The following STK32B variants were observed in gnomAD, a reference collection of about 807,000 sequenced individuals.
STK32B encodes the protein serine/threonine kinase 32B, also known as serine/threonine-protein kinase 32B.
STK32B carries 43 observed loss-of-function variants against 52.6 expected under a neutral mutation model. The observed-to-expected ratio is 0.82, with a 90% CI of 0.64 to 1.05. The LOEUF is 1.05. Ranked by LOEUF, STK32B falls within the 50% of genes least tolerant of loss-of-function variation. The pLI, the probability that STK32B is intolerant of heterozygous loss-of-function variation, is 0.00. For synonymous variants in STK32B, 238 were observed against 204.3 expected (o/e 1.17, Z -1.41); for missense variants, 621 against 534.6 (o/e 1.16, Z -1.59).
chr4:5,224,735 TTAA>T (rs1337140627), intron 3 of STK32B, among the ~76,000 whole-genome samples: 1 of 152,072 alleles, frequency 6.6e-6, no homozygotes, highest in Admixed American at 6.6e-5. Flanking sequence ...TCATCATTAA[TTAA>T]TAATATTAAT....
chr4:5,340,473 G>A (rs1324813481), intron 4 of STK32B, among the ~76,000 whole-genome samples: 1 of 152,232 alleles, frequency 6.6e-6, no homozygotes, highest in Non-Finnish European at 1.5e-5. Context: ...TGTATTGCAA[G>A]GGTCAAGGGT....
At chr4:5,163,867 A>G (rs1718652634) in intron 2 of STK32B, among the ~76,000 whole-genome samples, 1 of 152,148 alleles carries the variant, frequency 6.6e-6, no homozygotes, top group African/African-American at 2.4e-5. Context: ...ACACTTTGCG[A>G]GAGGCTAAGG....
intron 6 of STK32B, among the ~76,000 whole-genome samples, chr4:5,417,167 C>G (rs1017261534): frequency 6.6e-6 from 1 of 152,198 alleles, no homozygotes; most frequent in African/African-American, 2.4e-5. Flanking sequence ...TCCTGCTCAG[C>G]CAGAGAGCCA....
intron 4 of STK32B, among the ~76,000 whole-genome samples, chr4:5,376,742 A>G (rs11735517): frequency 0.23 from 34,255 of 151,692 alleles, 4,232 homozygotes; most frequent in African/African-American, 0.34. Flanking sequence ...TCCACCCCGC[A>G]CTCTCCAATG....
At chr4:5,203,347 A>G (rs756981725) in intron 3 of STK32B, among the ~76,000 whole-genome samples, 5 of 151,996 alleles carry the variant, frequency 3.3e-5, no homozygotes, top group Non-Finnish European at 7.4e-5. Flanking sequence ...TTTAATAAAC[A>G]ATTTTTGCCC....
chr4:5,221,721 T>G (rs1281619042), intron 3 of STK32B, among the ~76,000 whole-genome samples: 1 of 151,872 alleles, frequency 6.6e-6, no homozygotes, highest in African/African-American at 2.4e-5. Flanking sequence ...CCAGGTGTGG[T>G]CGTGTGTGCC....
chr4:5,187,724 T>C (rs1377028425), intron 3 of STK32B, among the ~76,000 whole-genome samples: 1 of 152,198 alleles, frequency 6.6e-6, no homozygotes, highest in Non-Finnish European at 1.5e-5. Context: ...GCCTGCAACA[T>C]TTCTGAAGAT....
In STK32B at chr4:5,244,230, G is replaced by A. The variant is rs556410905; in HGVS notation, c.260+75780G>A. On this transcript the variant is annotated intron_variant, in intron 3 of 11. Transcript: ENST00000282908. ...GTCCTGGACTTTTTTTGGTTGGTAA[G>A]CTATTATTGCCACAATTTCAGAGCC... Among the ~76,000 whole-genome samples, 538 of 151,824 alleles carry A rather than the reference G, an allele frequency of 3.5e-3. 4 individuals carry two copies. Among genetic ancestry groups the A allele is most frequent in the South Asian group, 0.016 (76 of 4,812 alleles).
At chr4:5,417,191 A>G (rs1483974393) in intron 6 of STK32B, among the ~76,000 whole-genome samples, 1 of 152,210 alleles carries the variant, frequency 6.6e-6, no homozygotes, top group Non-Finnish European at 1.5e-5. Context: ...CTCAGGCTTG[A>G]GAGGGTGGCA....
intron 2 of STK32B, among the ~76,000 whole-genome samples, chr4:5,146,038 G>A (rs1716884067): frequency 7.1e-6 from 1 of 141,360 alleles, no homozygotes; most frequent in Non-Finnish European, 1.5e-5. Context: ...GTGGTGTGAG[G>A]TAGGGTCAAG....
rs73794562 is a variant in STK32B, at chr4:5,328,668, G to C, written c.261-2552G>C. ...CACTATAGGAGATATAATAATGTTT[G>C]AAATTTTGCAAGAATTACCAAAATG... is the stretch of plus-strand genomic sequence containing the variant. On this transcript the variant is annotated intron_variant, in intron 3 of 11. Coordinates refer to ENST00000282908, the MANE Select transcript of STK32B (RefSeq NM_018401.3). 6.1e-3 allele frequency among the ~76,000 whole-genome samples: 927 copies of C among 152,292 alleles called. 18 individuals are homozygous for C. Among genetic ancestry groups the C allele is most frequent in the African/African-American group, 0.014 (601 of 41,554 alleles).
chr4:5,166,583 C>T (rs538595624), intron 2 of STK32B, among the ~76,000 whole-genome samples: 10 of 150,866 alleles, frequency 6.6e-5, no homozygotes, highest in South Asian at 2.1e-4. Context: ...GAGCCTAGGA[C>T]GGAAGAGCTG....
chr4:5,274,131 A>C lies in STK32B; in HGVS notation c.261-57089A>C, dbSNP rs187270301. Among the ~76,000 whole-genome samples, 264 of 152,328 alleles carry C rather than the reference A, an allele frequency of 1.7e-3. 3 individuals carry two copies. Among genetic ancestry groups the C allele is most frequent in the African/African-American group, 6.1e-3 (254 of 41,588 alleles). ...CAAGATTTTATGTAGAAATTGACAAACTATTTCAAAAATATATGTGGAAAT... is the reference window on the plus strand; with the variant it reads ...CAAGATTTTATGTAGAAATTGACAACCTATTTCAAAAATATATGTGGAAAT... On this transcript the variant is annotated intron_variant, in intron 3 of 11. Coordinates refer to ENST00000282908, the MANE Select transcript of STK32B (RefSeq NM_018401.3).
chr4:5,468,161 C>A, intron 11 of STK32B, 91 bp downstream of exon 11: 1 of 1,335,212 alleles, frequency 7.5e-7, no homozygotes, highest in Non-Finnish European at 1.1e-6. Flanking sequence ...CCCCCCAAAC[C>A]GGCCTTGACG....
At chr4:5,130,974 G>A (rs1332984729) in intron 1 of STK32B, among the ~76,000 whole-genome samples, 1 of 152,160 alleles carries the variant, frequency 6.6e-6, no homozygotes, top group Non-Finnish European at 1.5e-5. Flanking sequence ...GGTCCCAAGA[G>A]GATGGAGTGG....
chr4:5,477,719 TA>T (rs1356708290), intron 11 of STK32B, among the ~76,000 whole-genome samples: 1 of 152,158 alleles, frequency 6.6e-6, no homozygotes, highest in East Asian at 1.9e-4. Context: ...CCTTGGGAAT[TA>T]CACGCTCCAG....
intron 1 of STK32B, among the ~76,000 whole-genome samples, chr4:5,126,740 G>A (rs1378218053): frequency 1.3e-5 from 2 of 152,184 alleles, no homozygotes; most frequent in Non-Finnish European, 2.9e-5. Flanking sequence ...AAAGTAACAT[G>A]ACTATATCAC....
At chr4:5,113,846 G>A (rs1443898055) in intron 1 of STK32B, among the ~76,000 whole-genome samples, 2 of 152,170 alleles carry the variant, frequency 1.3e-5, no homozygotes, top group Non-Finnish European at 2.9e-5. Context: ...CACAATCATG[G>A]TGGAAGGCAA....
At chr4:5,425,494 C>T (rs1713015896) in intron 6 of STK32B, among the ~76,000 whole-genome samples, 1 of 152,154 alleles carries the variant, frequency 6.6e-6, no homozygotes, top group African/African-American at 2.4e-5. Flanking sequence ...CAGAGATTTG[C>T]TGAGCACCTT....
Sources: allele counts gnomAD v4.1 joint callset (sites outside exome capture counted in the v4.1 genomes callset), GRCh38; gene constraint gnomAD v4.1.1; transcripts MANE v1.5; gene names NCBI Gene and HGNC (gene_info 2026-07-23, HGNC 2026-07-21).